CCDC158: variants seen among roughly 807,000 people sequenced by gnomAD.
The protein encoded by CCDC158 is coiled-coil domain-containing protein 158.
Under a neutral mutation model 138.6 loss-of-function variants are expected in CCDC158, and 116 were observed. That is an observed-to-expected ratio of 0.84 (90% confidence interval 0.72 to 0.98). CCDC158 has a LOEUF of 0.98. Among genes scored for constraint, CCDC158 ranks in the 50% least tolerant of loss-of-function variants. The pLI is 0.00. For missense variants in CCDC158, 1,265 were observed against 1,306.1 expected (o/e 0.97, Z 0.48); for synonymous variants, 436 against 442.4 (o/e 0.99, Z 0.18).
intron 4 of CCDC158, among the ~76,000 whole-genome samples, chr4:76,394,450 T>C (rs1204877200): frequency 6.6e-6 from 1 of 151,700 alleles, no homozygotes; most frequent in African/African-American, 2.4e-5. Flanking sequence ...CTCATGGAGA[T>C]AGAGAGTAGA....
At position 76,324,388 on chromosome 4, in the gene CCDC158, T is replaced by C. The variant is rs538122199; in HGVS notation, c.3170-979A>G. Among the ~76,000 whole-genome samples, 16 of 152,162 alleles carry C rather than the reference T, an allele frequency of 1.1e-4. No homozygotes were observed. The East Asian group carries it at 2.9e-3, about 28-fold the overall frequency. ...TTTTAATAGAGATGGGGTTTCTCCA[T>C]GTTGGTTAGGCTGGTCTTGAACTCC... On this transcript the variant is annotated intron_variant, in intron 23 of 24. Transcript: ENST00000682701.
chr4:76,396,318 A>G lies in CCDC158; in HGVS notation c.239T>C (p.Leu80Ser). Residue 80 changes from leucine (L) to serine (S), a missense_variant, in exon 4 of 25, where the codon TTG becomes TCG. By Grantham distance (145) the Leu-to-Ser change is moderately radical. Transcript: ENST00000682701. ...SPGKEHFERV[L>S]EEYSHQVKDL... ...TTTGACTTGATGTGAATATTCTTCC[A>G]AAACACGTTCAAAGTGTTCCTTTCC... is the stretch of plus-strand genomic sequence containing the variant. The G allele has an allele frequency of 6.2e-7, 1 of 1,613,990 alleles. No individual in the cohort carries two copies. The highest frequency in any genetic ancestry group is 1.1e-5 in the South Asian group (1 of 91,032).
Position 76,323,272 on chromosome 4 carries a change from G to A in CCDC158, c.3277+30C>T, listed in dbSNP as rs745357903. On this transcript the variant is annotated intron_variant, in intron 24 of 24. Transcript: ENST00000682701. Reference sequence around the variant, plus strand: ...AGAAGGTGAACATTCTCATGAGCGAGGAAGATCTCTCCAAAAACGTACACT... The same window carrying A: ...AGAAGGTGAACATTCTCATGAGCGAAGAAGATCTCTCCAAAAACGTACACT... 7 of 1,481,622 alleles carry A rather than the reference G, an allele frequency of 4.7e-6. No homozygotes were observed. The South Asian group carries it at 8.3e-5, about 18-fold the overall frequency. The allele number at this position is 1,481,622 out of a possible 1,614,324, so 91.8% of individuals were successfully genotyped here.
rs1173594455 is a variant in CCDC158, at chr4:76,379,206, T to C, written c.1029+84A>G. 7 of 667,198 alleles carry C rather than the reference T, an allele frequency of 1.0e-5. No homozygotes were observed. In the Admixed American group the frequency reaches 2.3e-4, roughly 22 times the overall value. 41.3% of individuals were successfully genotyped at this position (667,198 alleles called of 1,614,324 possible). On this transcript the variant is annotated intron_variant, in intron 9 of 24. Transcript: ENST00000682701. ...TTAATTTGAAATTACTTTGATTCCT[T>C]ATTTTCAAATAAACTATTACTAATA... is the stretch of plus-strand genomic sequence containing the variant.
intron 3 of CCDC158, chr4:76,402,143 A>G (rs181736034): frequency 6.6e-6 from 1 of 152,316 alleles, no homozygotes; most frequent in East Asian, 1.9e-4. Context: ...CTGGCTTCTG[A>G]GATAGACCAT....
At chr4:76,406,305 A>G (rs1728819909) in intron 2 of CCDC158, among the ~76,000 whole-genome samples, 1 of 152,246 alleles carries the variant, frequency 6.6e-6, no homozygotes, top group African/African-American at 2.4e-5. Flanking sequence ...GTACCATATA[A>G]CACAGCAATC....
In CCDC158 at chr4:76,318,015, A is replaced by C. The variant is rs546242333; in HGVS notation, c.3278-4769T>G. Among the ~76,000 whole-genome samples, 10 of 152,280 alleles carry C rather than the reference A, an allele frequency of 6.6e-5. No individual in the cohort carries two copies. The South Asian group carries it at 2.1e-3, about 32-fold the overall frequency. On this transcript the variant is annotated intron_variant, in intron 24 of 24. Transcript: ENST00000682701. ...TCTAGGATACAGCAAAAGTGGTGCT[A>C]AAAGGAAAGTTAATAGCCTTAAATG... is the stretch of plus-strand genomic sequence containing the variant.
chr4:76,421,658 C>T (rs1251534056), upstream of CCDC158: 1 of 150,816 alleles, frequency 6.6e-6, no homozygotes, highest in Non-Finnish European at 1.5e-5. Flanking sequence ...ACTCTGACAC[C>T]CCCACCCGGC....
chr4:76,363,081 C>G (rs1173233285), intron 12 of CCDC158, among the ~76,000 whole-genome samples: 1 of 152,164 alleles, frequency 6.6e-6, no homozygotes, highest in African/African-American at 2.4e-5. Flanking sequence ...ATAAGAGTGG[C>G]TCAGTGTGCC....
chr4:76,349,254 C>T (rs1472467030), intron 18 of CCDC158, among the ~76,000 whole-genome samples: 2 of 152,164 alleles, frequency 1.3e-5, no homozygotes, highest in African/African-American at 4.8e-5. Flanking sequence ...ATGAATATTA[C>T]TTTTATTGTG....
At chr4:76,325,400 CA>C (rs540095243) in intron 23 of CCDC158, among the ~76,000 whole-genome samples, 1 of 152,168 alleles carries the variant, frequency 6.6e-6, no homozygotes, top group Non-Finnish European at 1.5e-5. Flanking sequence ...CTAAATCAAA[CA>C]TTTTTTTCTC....
At chr4:76,352,926 A>G (rs913480444) in intron 16 of CCDC158, 197 bp downstream of exon 16, 1 of 444,654 alleles carries the variant, frequency 2.2e-6, no homozygotes, top group Non-Finnish European at 3.9e-6. Flanking sequence ...GGCAAAAAGT[A>G]TGCATTATGA....
chr4:76,323,952 A>C (rs1720282237), intron 23 of CCDC158, among the ~76,000 whole-genome samples: 1 of 152,216 alleles, frequency 6.6e-6, no homozygotes, highest in Non-Finnish European at 1.5e-5. Flanking sequence ...CAACTAAAGA[A>C]GGCCTAGGAG....
Position 76,328,928 on chromosome 4 carries a change from G to C in CCDC158, c.2982C>G (p.Pro994=). 1.9e-6 allele frequency: 3 copies of C among 1,613,934 alleles called. No individual in the cohort carries two copies. In the South Asian group the frequency reaches 3.3e-5, roughly 18 times the overall value. The change falls in exon 22 of 25, where the codon CCC becomes CCG. Residue 994 remains proline (P), a synonymous_variant. Transcript: ENST00000682701. Reference sequence around the variant, plus strand: ...CAGATGTGAATGTGAAGCAACCAGAGGGATCTTCCCTGTCTCCTGCGTGTA... The same window carrying C: ...CAGATGTGAATGTGAAGCAACCAGACGGATCTTCCCTGTCTCCTGCGTGTA... ...VTLHAGDRED[P]SGCFTFTSAA...
At chr4:76,398,206 A>G (rs1461785110) in intron 3 of CCDC158, among the ~76,000 whole-genome samples, 1 of 152,244 alleles carries the variant, frequency 6.6e-6, no homozygotes, top group Non-Finnish European at 1.5e-5. Flanking sequence ...TTAGGCACAG[A>G]TCTTTAGTTG....
chr4:76,369,742 T>C, intron 10 of CCDC158, 119 bp from the exon 11 acceptor site: 2 of 828,018 alleles, frequency 2.4e-6, no homozygotes, highest in South Asian at 3.7e-5. Context: ...GATTTTGGAA[T>C]CTGATTCCTT....
At chr4:76,405,852 C>T (rs1426220506) in intron 2 of CCDC158, among the ~76,000 whole-genome samples, 1 of 151,922 alleles carries the variant, frequency 6.6e-6, no homozygotes, top group East Asian at 1.9e-4. Flanking sequence ...AAATACAAAC[C>T]TTCTTAAATG....
chr4:76,334,705 A>G (rs1721313397), intron 18 of CCDC158, among the ~76,000 whole-genome samples: 1 of 152,186 alleles, frequency 6.6e-6, no homozygotes, highest in South Asian at 2.1e-4. Context: ...CCCAATAAAT[A>G]TTTATAATAT....
At chr4:76,350,851 T>A in intron 18 of CCDC158, 145 bp downstream of exon 18, 1 of 667,368 alleles carries the variant, frequency 1.5e-6, no homozygotes, top group Non-Finnish European at 2.2e-6. Context: ...CTCCATTGAA[T>A]TTATAGGAAA....
Sources: allele counts gnomAD v4.1 joint callset (sites outside exome capture counted in the v4.1 genomes callset), GRCh38; gene constraint gnomAD v4.1.1; transcripts MANE v1.5; gene names NCBI Gene and HGNC (gene_info 2026-07-23, HGNC 2026-07-21).